Variants in CELF2 observed in about 807,000 individuals in gnomAD.
CELF2 encodes CUG triplet repeat RNA-binding protein 2.
In CELF2, 8 loss-of-function variants were observed where a neutral mutation model predicts 62.6. The ratio of observed to expected loss-of-function variants is 0.13; its 90% CI spans 0.07 to 0.23. The LOEUF (loss-of-function observed/expected upper bound fraction) is 0.23, where lower values mean the gene tolerates loss of function less well. Ranked by LOEUF, CELF2 falls within the 10% of genes least tolerant of loss-of-function variation. CELF2 has a pLI of 1.00. For missense variants in CELF2, 333 were observed against 671.0 expected (o/e 0.50, Z 5.56); for synonymous variants, 258 against 250.0 (o/e 1.03, Z -0.30).
the CELF2 span, among the ~76,000 whole-genome samples, chr10:10,620,822 G>A: frequency 6.7e-6 from 1 of 149,636 alleles, no homozygotes; most frequent in South Asian, 2.1e-4. Context: ...GGAGGCTGAG[G>A]CAGGAGAATG....
the CELF2 span, among the ~76,000 whole-genome samples, chr10:10,678,836 TC>T: frequency 6.6e-6 from 1 of 152,206 alleles, no homozygotes; most frequent in Non-Finnish European, 1.5e-5. Context: ...ATCTGAGCTT[TC>T]GAAGTCATTT....
the CELF2 span, among the ~76,000 whole-genome samples, chr10:10,738,311 T>C: frequency 3.5e-4 from 54 of 152,232 alleles, no homozygotes; most frequent in African/African-American, 1.3e-3. Context: ...CATATTTCTG[T>C]AGCCATTAAA....
intron 2 of CELF2, among the ~76,000 whole-genome samples, chr10:11,189,773 G>A (rs779099240): frequency 1.1e-4 from 17 of 152,268 alleles, no homozygotes; most frequent in Non-Finnish European, 1.8e-4. Flanking sequence ...TTCTCACAGT[G>A]CCTTCTATTT....
chr10:10,946,507 C>T (rs542380688), intron 2 of CELF2: 2 of 152,730 alleles, frequency 1.3e-5, no homozygotes, highest in South Asian at 2.1e-4. Context: ...TATGATAAAA[C>T]TTACCCCTTT....
At chr10:10,616,323 T>C in the CELF2 span, among the ~76,000 whole-genome samples, 1 of 150,800 alleles carries the variant, frequency 6.6e-6, no homozygotes, top group African/African-American at 2.4e-5. Context: ...TGTGTGTGTG[T>C]GTGTGTGTGA....
At chr10:10,716,405 G>C in the CELF2 span, among the ~76,000 whole-genome samples, 1 of 152,160 alleles carries the variant, frequency 6.6e-6, no homozygotes, top group Non-Finnish European at 1.5e-5. Context: ...GCCAGGCATG[G>C]TGGCACACGC....
the CELF2 span, among the ~76,000 whole-genome samples, chr10:10,728,928 C>A: frequency 1.6e-4 from 25 of 152,264 alleles, no homozygotes; most frequent in Non-Finnish European, 3.1e-4. Context: ...AGGTCTACTG[C>A]TAAACTGAAC....
chr10:11,144,771 C>T (rs1384845391), intron 1 of CELF2, among the ~76,000 whole-genome samples: 2 of 151,486 alleles, frequency 1.3e-5, no homozygotes, highest in South Asian at 2.1e-4. Context: ...GCACGCCTGT[C>T]GTACCAGCTA....
intron 1 of CELF2, among the ~76,000 whole-genome samples, chr10:10,799,036 C>T (rs1296197514): frequency 6.6e-6 from 1 of 152,032 alleles, no homozygotes; most frequent in Non-Finnish European, 1.5e-5. Context: ...GGGGGGAGGT[C>T]GGGAAGCCTT....
intron 1 of CELF2, among the ~76,000 whole-genome samples, chr10:11,064,798 C>T (rs2067659832): frequency 6.6e-6 from 1 of 152,124 alleles, no homozygotes; most frequent in African/African-American, 2.4e-5. Flanking sequence ...GATAATGTGA[C>T]CTGCAGTCAG....
At chr10:10,682,535 T>C in the CELF2 span, among the ~76,000 whole-genome samples, 1 of 152,218 alleles carries the variant, frequency 6.6e-6, no homozygotes, top group African/African-American at 2.4e-5. Context: ...GTGTTCCGTT[T>C]GAAGAGCACC....
At chr10:11,252,224 G>A (rs1290643506) in intron 4 of CELF2, among the ~76,000 whole-genome samples, 2 of 152,190 alleles carry the variant, frequency 1.3e-5, no homozygotes, top group Admixed American at 1.3e-4. Flanking sequence ...AATTTCACAT[G>A]GCATTTTTGA....
intron 2 of CELF2, among the ~76,000 whole-genome samples, chr10:11,170,548 A>G (rs1483676943): frequency 6.6e-6 from 1 of 151,992 alleles, no homozygotes. Flanking sequence ...TAGAGAACCC[A>G]GAGTTGGAGA....
rs146363622 is a variant in CELF2 at position 10,911,471 on chromosome 10, A to G, written c.54-8493A>G. Among the ~76,000 whole-genome samples the G allele has an allele frequency of 5.4e-3, 830 of 152,352 alleles. 1 individual carries two copies. Among genetic ancestry groups the G allele is most frequent in the Non-Finnish European group, 7.0e-3 (473 of 68,034 alleles). ...CTGTATGTGTCAGTGATTAGATTCA[A>G]TGAACCTGAACTGCAGCGATGCCTC... On this transcript the variant is annotated intron_variant, in intron 1 of 13. Coordinates refer to the CELF2 transcript ENST00000636488.
chr10:10,969,053 T>C (rs2050467430), intron 2 of CELF2, among the ~76,000 whole-genome samples: 1 of 152,168 alleles, frequency 6.6e-6, no homozygotes, highest in Non-Finnish European at 1.5e-5. Flanking sequence ...GCGATGATGA[T>C]TATGACAAGA....
intron 1 of CELF2, among the ~76,000 whole-genome samples, chr10:11,025,207 A>ATG (rs372783836): frequency 0.07 from 9,911 of 141,156 alleles, 492 homozygotes; most frequent in African/African-American, 0.14. Context: ...ATATACATAT[A>ATG]TGTGTGTGTG....
intron 1 of CELF2, among the ~76,000 whole-genome samples, chr10:10,853,129 C>T (rs1274965647): frequency 1.3e-5 from 2 of 152,260 alleles, no homozygotes; most frequent in East Asian, 1.9e-4. Context: ...CAGGTGCACA[C>T]CACCATGCCC....
chr10:10,547,856 C>A, the CELF2 span, among the ~76,000 whole-genome samples: 1 of 152,094 alleles, frequency 6.6e-6, no homozygotes, highest in Non-Finnish European at 1.5e-5. Context: ...TGTTCTGTAT[C>A]AAACATCCAT....
At position 11,246,824 on chromosome 10, in the gene CELF2, C is replaced by T. The variant is rs898650552; in HGVS notation, c.355-2329C>T. 3.3e-5 allele frequency among the ~76,000 whole-genome samples: 5 copies of T among 152,256 alleles called. No individual in the cohort carries two copies. The highest frequency in any genetic ancestry group is 7.3e-5 in the Non-Finnish European group (5 of 68,048). ...TCACTGTCACGCTAAGGAACATTCT[C>T]TGTGGCCCTGGCCCGTCTCTCGAGC... On this transcript the variant is annotated intron_variant, in intron 3 of 12. Transcript: ENST00000633077. This position sits in a 1 kb window ranked among gnomAD's most constrained non-coding sequence, Gnocchi z 4.6.
Sources: allele counts gnomAD v4.1 joint callset (sites outside exome capture counted in the v4.1 genomes callset), GRCh38; gene constraint gnomAD v4.1.1; non-coding constraint Gnocchi (gnomAD v3.1); transcripts MANE v1.5; gene names NCBI Gene and HGNC (gene_info 2026-07-23, HGNC 2026-07-21).